Variants in CAMK1D observed in about 807,000 individuals in gnomAD.
CAMK1D encodes calcium/calmodulin-dependent protein kinase type 1D.
Under a neutral mutation model 47.7 loss-of-function variants are expected in CAMK1D, and 9 were observed. The observed-to-expected ratio is 0.19, with a 90% CI of 0.11 to 0.33. The LOEUF (loss-of-function observed/expected upper bound fraction) is 0.33. CAMK1D is among the 10% of genes least tolerant of loss of function. The probability of loss-of-function intolerance (pLI) is 1.00; values close to 1 mark genes in which losing one functional copy is unlikely to be tolerated. For missense variants in CAMK1D, 291 were observed against 488.7 expected (o/e 0.60, Z 3.81); for synonymous variants, 184 against 184.9 (o/e 0.99, Z 0.04).
intron 1 of CAMK1D, among the ~76,000 whole-genome samples, chr10:12,386,725 G>A (rs1233675785): frequency 1.3e-5 from 2 of 152,302 alleles, no homozygotes; most frequent in Non-Finnish European, 2.9e-5. Context: ...ATTAACAGCA[G>A]TCATCTGAAG....
In CAMK1D at chr10:12,833,817, TC is replaced by T; in HGVS notation, c.*4931del. On this transcript the variant is annotated 3_prime_UTR_variant, in exon 11 of 11. Transcript: ENST00000619168. ...GCCAGTGCACGAAACCTTTGCATGT[TC>T]TTCTGAAACTGTACTTCTTCCCTAT... 6.6e-6 allele frequency: 1 copy of T among 152,116 alleles called. No individual in the cohort carries two copies. Among genetic ancestry groups the T allele is most frequent in the East Asian group, 1.9e-4 (1 of 5,156 alleles). The allele number at this position is 152,116 out of a possible 1,614,324, so 9.4% of individuals were successfully genotyped here.
intron 1 of CAMK1D, among the ~76,000 whole-genome samples, chr10:12,353,457 A>T (rs1363117469): frequency 6.6e-6 from 1 of 152,106 alleles, no homozygotes; most frequent in Admixed American, 6.6e-5. Flanking sequence ...CACCTCATGG[A>T]GCCGAGCATT....
At chr10:12,723,686 TTA>T (rs1159812056) in intron 3 of CAMK1D, among the ~76,000 whole-genome samples, 1 of 152,160 alleles carries the variant, frequency 6.6e-6, no homozygotes, top group Non-Finnish European at 1.5e-5. Flanking sequence ...TCATAAATAA[TTA>T]TGTTTATATC....
intron 6 of CAMK1D, among the ~76,000 whole-genome samples, chr10:12,805,536 A>G (rs1435466966): frequency 1.3e-5 from 2 of 151,652 alleles, no homozygotes; most frequent in African/African-American, 4.8e-5. Flanking sequence ...ATGCTCGGCT[A>G]ATTTTATATT....
intron 1 of CAMK1D, among the ~76,000 whole-genome samples, chr10:12,507,151 C>T (rs1472794439): frequency 6.6e-6 from 1 of 152,196 alleles, no homozygotes; most frequent in African/African-American, 2.4e-5. Context: ...GTGAACACCA[C>T]CTGGACTTTT....
chr10:12,823,047 GC>G (rs943210489), intron 8 of CAMK1D, among the ~76,000 whole-genome samples: 3 of 152,230 alleles, frequency 2.0e-5, no homozygotes, highest in Admixed American at 2.0e-4. Flanking sequence ...GGCCAGCCTG[GC>G]CCCAATTTTA....
chr10:12,598,830 T>C (rs1475151210), intron 2 of CAMK1D, among the ~76,000 whole-genome samples: 1 of 152,226 alleles, frequency 6.6e-6, no homozygotes, highest in Non-Finnish European at 1.5e-5. Context: ...CTACTGGCTC[T>C]ATGTGCAATG....
rs150202113 is a variant in CAMK1D at position 12,711,452 on chromosome 10, C to T, written c.299+44642C>T. Among the ~76,000 whole-genome samples the T allele has an allele frequency of 2.8e-3, 431 of 152,284 alleles. 6 individuals carry two copies. The highest frequency in any genetic ancestry group is 0.02 in the Admixed American group (312 of 15,296). On this transcript the variant is annotated intron_variant, in intron 3 of 10. Coordinates refer to ENST00000619168, the MANE Select transcript of CAMK1D (RefSeq NM_153498.4). ...GAATGCATCGTTGGAAGAGCTCTCA[C>T]GTATTCCCTTCATTCCTGCCTTTTG...
intron 6 of CAMK1D, among the ~76,000 whole-genome samples, chr10:12,798,381 G>A (rs1588941683): frequency 6.6e-6 from 1 of 152,232 alleles, no homozygotes; most frequent in East Asian, 1.9e-4. Flanking sequence ...TGGCCTAGGA[G>A]GCACTTACTG....
At chr10:12,587,802 C>T (rs1837865437) in intron 2 of CAMK1D, among the ~76,000 whole-genome samples, 1 of 152,096 alleles carries the variant, frequency 6.6e-6, no homozygotes, top group South Asian at 2.1e-4. Context: ...TAGAGTTTGC[C>T]TTAGCATCTC....
chr10:12,496,673 C>T (rs1404603144), intron 1 of CAMK1D, among the ~76,000 whole-genome samples: 2 of 152,258 alleles, frequency 1.3e-5, no homozygotes, highest in Admixed American at 6.5e-5. Flanking sequence ...ACCAAATTTT[C>T]GTTAGAAGTA....
At chr10:12,774,454 G>C (rs754670339) in intron 5 of CAMK1D, among the ~76,000 whole-genome samples, 2 of 152,070 alleles carry the variant, frequency 1.3e-5, no homozygotes, top group Non-Finnish European at 2.9e-5. Flanking sequence ...AGGAAGGAGA[G>C]GAATAGGAGA....
At chr10:12,383,815 T>G (rs1365215236) in intron 1 of CAMK1D, among the ~76,000 whole-genome samples, 1 of 152,198 alleles carries the variant, frequency 6.6e-6, no homozygotes, top group African/African-American at 2.4e-5. Flanking sequence ...CAAGAGTGTC[T>G]GCTCTCACCA....
intron 1 of CAMK1D, among the ~76,000 whole-genome samples, chr10:12,445,338 A>T (rs1249481467): frequency 6.6e-6 from 1 of 152,218 alleles, no homozygotes; most frequent in Non-Finnish European, 1.5e-5. Context: ...GGTTTACACC[A>T]ATTAGAGTTC....
intron 1 of CAMK1D, among the ~76,000 whole-genome samples, chr10:12,501,057 C>T (rs552893854): frequency 1.1e-4 from 16 of 152,282 alleles, no homozygotes; most frequent in East Asian, 5.8e-4. Flanking sequence ...CCCTGTCCAC[C>T]GGACTCCAAA....
intron 3 of CAMK1D, among the ~76,000 whole-genome samples, chr10:12,746,059 A>G (rs1835657140): frequency 1.3e-5 from 2 of 152,092 alleles, no homozygotes; most frequent in Admixed American, 1.3e-4. Context: ...TACATTTAAT[A>G]TTTGTCCTGA....
At chr10:12,424,963 TCACTCTTAAA>T (rs1249259647) in intron 1 of CAMK1D, among the ~76,000 whole-genome samples, 2 of 152,202 alleles carry the variant, frequency 1.3e-5, no homozygotes, top group Admixed American at 1.3e-4. Context: ...TGTAAATGTG[TCACTCTTAAA>T]CACTTCCTGG....
At chr10:12,508,980 G>A (rs191553726) in intron 1 of CAMK1D, among the ~76,000 whole-genome samples, 5 of 152,302 alleles carry the variant, frequency 3.3e-5, no homozygotes, top group East Asian at 1.9e-4. Flanking sequence ...ATGGAACCCC[G>A]CTGGGAAGGA....
intron 8 of CAMK1D, among the ~76,000 whole-genome samples, chr10:12,816,952 T>C (rs2131090549): frequency 6.6e-6 from 1 of 150,992 alleles, no homozygotes; most frequent in South Asian, 2.1e-4. Flanking sequence ...GGACTCACAG[T>C]TCCACGTGGC....
Sources: gnomAD v4.1 joint callset for allele counts (sites outside exome capture counted in the v4.1 genomes callset) on GRCh38, gnomAD v4.1.1 for gene constraint, MANE v1.5 for transcripts, NCBI Gene and HGNC (gene_info 2026-07-23, HGNC 2026-07-21) for gene names.